ARHGAP39: variants seen among roughly 807,000 people sequenced by gnomAD.
ARHGAP39 encodes the protein rho GTPase-activating protein 39.
A neutral mutation model predicts 106.9 loss-of-function variants in ARHGAP39; 44 were observed. The ratio of observed to expected loss-of-function variants is 0.41; its 90% CI spans 0.32 to 0.53. ARHGAP39 has a LOEUF of 0.53. Among genes scored for constraint, ARHGAP39 ranks in the 20% least tolerant of loss-of-function variants. ARHGAP39 has a pLI of 0.21. For synonymous variants in ARHGAP39, 768 were observed against 693.2 expected (o/e 1.11, Z -1.69); for missense variants, 1,496 against 1,577.3 (o/e 0.95, Z 0.87).
chr8:144,655,032 C>T (rs1396798805), intron 1 of ARHGAP39, among the ~76,000 whole-genome samples: 2 of 152,222 alleles, frequency 1.3e-5, no homozygotes, highest in Non-Finnish European at 2.9e-5. Flanking sequence ...AGTCCCACTG[C>T]CTGGCTTCTC....
In ARHGAP39 at chr8:144,641,054, A is replaced by G. The variant is rs1412539453; in HGVS notation, c.-81-35359T>C. ...AATAATAAAATGTACACTCAACTAG[A>G]TATTTTTATTTCTCATCTGCCTGGG... On this transcript the variant is annotated intron_variant, in intron 1 of 11. Coordinates refer to ENST00000377307, the MANE Select transcript of ARHGAP39 (RefSeq NM_025251.3). This position sits in a 1 kb window ranked among gnomAD's most constrained non-coding sequence, Gnocchi z 5.2. 6.6e-6 allele frequency among the ~76,000 whole-genome samples: 1 copy of G among 152,264 alleles called. No individual in the cohort carries two copies. Among genetic ancestry groups the G allele is most frequent in the Non-Finnish European group, 1.5e-5 (1 of 68,026 alleles).
At chr8:144,656,266 G>A (rs1821693611) in intron 1 of ARHGAP39, among the ~76,000 whole-genome samples, 1 of 151,018 alleles carries the variant, frequency 6.6e-6, no homozygotes, top group South Asian at 2.1e-4. Flanking sequence ...ACTGAGGTAG[G>A]AGAATCGCTT....
chr8:144,574,938 G>A (rs921215957), intron 3 of ARHGAP39, among the ~76,000 whole-genome samples: 3 of 152,198 alleles, frequency 2.0e-5, no homozygotes, highest in African/African-American at 7.2e-5. Flanking sequence ...CAAGAGTACA[G>A]TTATACACAT....
At chr8:144,598,107 CG>C (rs1819692565) in intron 2 of ARHGAP39, among the ~76,000 whole-genome samples, 1 of 152,120 alleles carries the variant, frequency 6.6e-6, no homozygotes, top group African/African-American at 2.4e-5. Flanking sequence ...AGGAGCAGCC[CG>C]GGGAAGTCCA....
rs370789465 is a variant in ARHGAP39, at chr8:144,548,496, G to C, written c.597-7C>G. On this transcript the variant is annotated splice_region_variant and splice_polypyrimidine_tract_variant and intron_variant, in intron 4 of 11. Coordinates refer to ENST00000377307, the MANE Select transcript of ARHGAP39 (RefSeq NM_025251.3). This position sits in a 1 kb window ranked among gnomAD's most constrained non-coding sequence, Gnocchi z 7.4. ...CCACCGCAGCGAGGAGGTCCTGCGT[G>C]GGGGGTGGACGGGCACAGGTGACTG... 21 of 1,605,246 alleles carry C rather than the reference G, an allele frequency of 1.3e-5. No individual in the cohort carries two copies. Among genetic ancestry groups the C allele is most frequent in the Non-Finnish European group, 1.5e-5 (18 of 1,177,754 alleles).
intron 2 of ARHGAP39, among the ~76,000 whole-genome samples, chr8:144,602,321 G>A (rs1301647591): frequency 1.5e-5 from 2 of 136,422 alleles, no homozygotes; most frequent in East Asian, 2.3e-4. Flanking sequence ...GTGCATGGAG[G>A]CGTGCGTGCG....
At chr8:144,562,428 CCCAG>C (rs1564849341) in intron 3 of ARHGAP39, among the ~76,000 whole-genome samples, 4,726 of 134,934 alleles carry the variant, frequency 0.035, 597 homozygotes, top group African/African-American at 0.12. Context: ...TCCATCGGAC[CCCAG>C]TGGTTTCCAT....
chr8:144,656,807 CAAA>C (rs35058065), intron 1 of ARHGAP39, among the ~76,000 whole-genome samples: 1 of 42,348 alleles, frequency 2.4e-5, no homozygotes, highest in Non-Finnish European at 4.1e-5. Context: ...GACTCCATCT[CAAA>C]AAAAAAAAAA....
chr8:144,602,954 C>T (rs1407309518), intron 2 of ARHGAP39, among the ~76,000 whole-genome samples: 4 of 117,008 alleles, frequency 3.4e-5, no homozygotes, highest in Non-Finnish European at 5.0e-5. Context: ...TGTGTGTGTG[C>T]ATGGAGGCGT....
chr8:144,634,027 A>G (rs887698240), intron 1 of ARHGAP39, among the ~76,000 whole-genome samples: 4 of 152,296 alleles, frequency 2.6e-5, no homozygotes, highest in Non-Finnish European at 5.9e-5. Context: ...AGATGTCATC[A>G]GACTGAAAGA....
chr8:144,551,459 G>A (rs568759487), intron 4 of ARHGAP39, among the ~76,000 whole-genome samples: 1 of 152,288 alleles, frequency 6.6e-6, no homozygotes, highest in South Asian at 2.1e-4. Context: ...AATGCAGGCC[G>A]AGGCCTGTGC....
chr8:144,600,924 CTG>C (rs376202978), intron 2 of ARHGAP39, among the ~76,000 whole-genome samples: 3,561 of 134,826 alleles, frequency 0.026, 136 homozygotes, highest in African/African-American at 0.095. Flanking sequence ...GCTCATGTAC[CTG>C]TGTGTGTGTG....
At chr8:144,686,072 A>G (rs1009673539), upstream of ARHGAP39, among the ~76,000 whole-genome samples, 5 of 151,306 alleles carry the variant, frequency 3.3e-5, no homozygotes, top group African/African-American at 1.2e-4. Flanking sequence ...GCGCGGACCT[A>G]CCCTGTGAGT....
At chr8:144,558,584 C>T (rs1484718412) in intron 3 of ARHGAP39, among the ~76,000 whole-genome samples, 3 of 4,644 alleles carry the variant, frequency 6.5e-4, no homozygotes, top group Non-Finnish European at 7.2e-4. Flanking sequence ...TGAGTCACCG[C>T]GCCTGGCCAT....
At chr8:144,672,492 A>G (rs551446647) in intron 1 of ARHGAP39, among the ~76,000 whole-genome samples, 46 of 152,312 alleles carry the variant, frequency 3.0e-4, no homozygotes, top group Non-Finnish European at 5.1e-4. Flanking sequence ...AGAAAGGAAA[A>G]TAGACTCAAA....
Position 144,610,406 on chromosome 8 carries a change from T to C in ARHGAP39, c.-81-4711A>G, listed in dbSNP as rs372657409. Among the ~76,000 whole-genome samples the C allele has an allele frequency of 8.5e-5, 13 of 152,296 alleles. 1 individual carries two copies. In the East Asian group the frequency reaches 1.7e-3, roughly 20 times the overall value. On this transcript the variant is annotated intron_variant, in intron 1 of 11. Coordinates refer to ENST00000377307, the MANE Select transcript of ARHGAP39 (RefSeq NM_025251.3). The stretch of plus-strand genomic sequence containing the variant: ...AAGCTAGAAGCAGAGTTCAGTGATT[T>C]GTACATTTAAAAAAAAAATTTAGGG...
intron 6 of ARHGAP39, among the ~76,000 whole-genome samples, chr8:144,543,183 C>T (rs1326982545): frequency 2.0e-5 from 3 of 152,092 alleles, no homozygotes; most frequent in Non-Finnish European, 4.4e-5. Flanking sequence ...ACTTTGTTGC[C>T]CAGGCTGGTC....
At chr8:144,678,711 C>T (rs1318818730) in intron 1 of ARHGAP39, among the ~76,000 whole-genome samples, 1 of 152,224 alleles carries the variant, frequency 6.6e-6, no homozygotes, top group East Asian at 1.9e-4. Flanking sequence ...CCCCAGCCTC[C>T]ACAAATCCTT....
chr8:144,641,110 T>C lies in ARHGAP39; in HGVS notation c.-81-35415A>G, dbSNP rs2130988058. On this transcript the variant is annotated intron_variant, in intron 1 of 11. Transcript: ENST00000377307. This position sits in a 1 kb window ranked among gnomAD's most constrained non-coding sequence, Gnocchi z 5.2. The stretch of plus-strand genomic sequence containing the variant: ...CCCAGCACCAGTTCTTGCAGAGGTG[T>C]TCCAGGAGGTGACATCTGAAAGCTT... Among the ~76,000 whole-genome samples the C allele has an allele frequency of 6.6e-6, 1 of 152,220 alleles. No individual in the cohort carries two copies. Among genetic ancestry groups the C allele is most frequent in the African/African-American group, 2.4e-5 (1 of 41,540 alleles).
Sources: allele counts gnomAD v4.1 joint callset (sites outside exome capture counted in the v4.1 genomes callset), GRCh38; gene constraint gnomAD v4.1.1; non-coding constraint Gnocchi (gnomAD v3.1); transcripts MANE v1.5; gene names NCBI Gene and HGNC (gene_info 2026-07-23, HGNC 2026-07-21).